The following BEND7 variants were observed in gnomAD, a reference collection of about 807,000 sequenced individuals.
BEND7 encodes BEN domain containing 7.
Under a neutral mutation model 50.9 loss-of-function variants are expected in BEND7, and 28 were observed. The ratio of observed to expected loss-of-function variants is 0.55; its 90% CI spans 0.41 to 0.75. The LOEUF is 0.75. BEND7 is among the 30% of genes least tolerant of loss of function. The probability of loss-of-function intolerance (pLI) is 0.00; values close to 1 mark genes in which losing one functional copy is unlikely to be tolerated. For synonymous variants in BEND7, 170 were observed against 183.9 expected (o/e 0.92, Z 0.61); for missense variants, 477 against 491.3 (o/e 0.97, Z 0.28).
intron 2 of BEND7, among the ~76,000 whole-genome samples, chr10:13,522,318 G>T (rs1233616082): frequency 6.6e-6 from 1 of 152,174 alleles, no homozygotes; most frequent in Non-Finnish European, 1.5e-5. Context: ...CCTGCTAGCA[G>T]CTAAGGCCTC....
At chr10:13,481,672 G>A (rs1217433566) in intron 5 of BEND7, among the ~76,000 whole-genome samples, 1 of 152,132 alleles carries the variant, frequency 6.6e-6, no homozygotes, top group Non-Finnish European at 1.5e-5. Context: ...TTTCCCCAAT[G>A]AAAACTTTTG....
intron 6 of BEND7, among the ~76,000 whole-genome samples, chr10:13,458,306 T>C (rs988149335): frequency 2.0e-5 from 3 of 152,232 alleles, no homozygotes; most frequent in Non-Finnish European, 2.9e-5. Context: ...GTGTCTGACA[T>C]GCTGAACGCG....
intron 6 of BEND7, among the ~76,000 whole-genome samples, chr10:13,463,433 A>C (rs999372474): frequency 7.2e-5 from 11 of 152,224 alleles, no homozygotes; most frequent in Admixed American, 1.3e-4. Flanking sequence ...AGACGAAGGT[A>C]GATAAAAGAC....
intron 6 of BEND7, among the ~76,000 whole-genome samples, chr10:13,466,859 G>A (rs1321066725): frequency 1.3e-5 from 2 of 152,138 alleles, no homozygotes; most frequent in Non-Finnish European, 2.9e-5. Flanking sequence ...TCCATGAGGC[G>A]CTGAGTTTAC....
At chr10:13,483,603 G>C (rs186566174) in intron 5 of BEND7, among the ~76,000 whole-genome samples, 30 of 152,344 alleles carry the variant, frequency 2.0e-4, no homozygotes, top group African/African-American at 7.0e-4. Context: ...TCTTCTAACA[G>C]TTCATGTGGT....
chr10:13,505,085 C>T (rs991032963), intron 2 of BEND7, among the ~76,000 whole-genome samples: 2 of 152,246 alleles, frequency 1.3e-5, no homozygotes, highest in Non-Finnish European at 2.9e-5. Flanking sequence ...GCAGCGAATG[C>T]TCATCATTTT....
chr10:13,500,163 A>G (rs2077338229), intron 2 of BEND7, 83 bp from the exon 3 acceptor site: 1 of 1,174,056 alleles, frequency 8.5e-7, no homozygotes, highest in Non-Finnish European at 1.2e-6. Flanking sequence ...AGAAAGAAAA[A>G]CAACCCTTCT....
intron 2 of BEND7, among the ~76,000 whole-genome samples, chr10:13,514,764 T>C (rs2078539835): frequency 6.6e-6 from 1 of 152,210 alleles, no homozygotes; most frequent in Non-Finnish European, 1.5e-5. Context: ...ATTAAAGTCT[T>C]GCTAGTAATT....
intron 2 of BEND7, among the ~76,000 whole-genome samples, chr10:13,509,095 T>C (rs1348628897): frequency 6.6e-6 from 1 of 152,188 alleles, no homozygotes; most frequent in African/African-American, 2.4e-5. Flanking sequence ...AAGAAACAGC[T>C]GTGCAAAATG....
intron 8 of BEND7, 86 bp downstream of exon 8, chr10:13,447,180 C>G: frequency 7.1e-7 from 1 of 1,416,996 alleles, no homozygotes; most frequent in Non-Finnish European, 9.9e-7. Context: ...GTCTGCATGT[C>G]TAATGTTAAA....
chr10:13,506,170 G>C (rs964767970), intron 2 of BEND7, among the ~76,000 whole-genome samples: 5 of 151,956 alleles, frequency 3.3e-5, no homozygotes, highest in Admixed American at 6.6e-5. Context: ...TTAACTGTGT[G>C]CCCTGGAACT....
chr10:13,503,228 T>G (rs1316346338), intron 2 of BEND7, among the ~76,000 whole-genome samples: 1 of 152,188 alleles, frequency 6.6e-6, no homozygotes, highest in Non-Finnish European at 1.5e-5. Flanking sequence ...GGGCTGCGCC[T>G]GCCGTGTGCA....
Position 13,496,812 on chromosome 10 carries a change from A to C in BEND7, c.525T>G (p.Ile175Met). ...TCNCQSTLQA[I>M]LQELKTMRKL... ...TCCTCATGGTCTTGAGTTCTTGTAG[A>C]ATGGCCTGCAACGTTGACTGGCAGT... The change falls in exon 4 of 9, where the codon ATT becomes ATG. Residue 175 changes from isoleucine (I) to methionine (M), a missense_variant. Ile to Met is a conservative substitution (Grantham distance 10, BLOSUM62 1). Coordinates refer to ENST00000466271, the MANE Select transcript of BEND7 (RefSeq NM_001369863.1). The C allele has an allele frequency of 6.2e-7, 1 of 1,613,714 alleles. No individual in the cohort carries two copies. The highest frequency in any genetic ancestry group is 8.5e-7 in the Non-Finnish European group (1 of 1,179,846).
chr10:13,511,597 C>G (rs570007484), intron 2 of BEND7, among the ~76,000 whole-genome samples: 1 of 152,200 alleles, frequency 6.6e-6, no homozygotes, highest in African/African-American at 2.4e-5. Context: ...GTTTTGTAAT[C>G]CCTGGAATAC....
chr10:13,522,371 GA>G (rs2079140185), intron 2 of BEND7, among the ~76,000 whole-genome samples: 1 of 152,188 alleles, frequency 6.6e-6, no homozygotes, highest in African/African-American at 2.4e-5. Flanking sequence ...GGGCAGAGGG[GA>G]AAGATCTTTT....
intron 6 of BEND7, among the ~76,000 whole-genome samples, chr10:13,472,815 C>A (rs1454910794): frequency 6.6e-6 from 1 of 151,308 alleles, no homozygotes; most frequent in African/African-American, 2.4e-5. Context: ...TACTCGTCAT[C>A]GCTGTTAGAC....
chr10:13,496,928 CAA>C (rs5783327), intron 3 of BEND7, 40 bp from the exon 4 acceptor site: 73,148 of 1,111,922 alleles, frequency 0.066, 42 homozygotes, highest in Middle Eastern at 0.11. Context: ...CCAAACAAAC[CAA>C]AAAAAAAAAA....
chr10:13,463,626 A>T (rs1307719064), intron 6 of BEND7, among the ~76,000 whole-genome samples: 2 of 152,210 alleles, frequency 1.3e-5, no homozygotes, highest in African/African-American at 4.8e-5. Context: ...ATAAAAAATA[A>T]AACTTTGTTG....
chr10:13,476,566 G>A (rs138632581), intron 6 of BEND7, among the ~76,000 whole-genome samples: 156 of 152,262 alleles, frequency 1.0e-3, no homozygotes, highest in African/African-American at 3.6e-3. Context: ...TCTAAAAATC[G>A]CTTTATTGCA....
Sources: allele counts gnomAD v4.1 joint callset (sites outside exome capture counted in the v4.1 genomes callset), GRCh38; gene constraint gnomAD v4.1.1; transcripts MANE v1.5; gene names NCBI Gene and HGNC (gene_info 2026-07-23, HGNC 2026-07-21).